Variants in OR6K3 observed in about 807,000 individuals in gnomAD.
The protein encoded by OR6K3 is olfactory receptor family 6 subfamily K member 3.
For missense variants in OR6K3, 396 were observed against 382.5 expected, an observed-to-expected ratio of 1.04 and a Z score of -0.29; for synonymous variants, 169 against 137.7, an observed-to-expected ratio of 1.23 and a Z score of -1.59.
upstream of OR6K3, chr1:158,720,741 C>A (rs1656265694): frequency 6.6e-6 from 1 of 151,978 alleles, no homozygotes; most frequent in African/African-American, 2.4e-5. Flanking sequence ...CTTAATATTA[C>A]TTCAGCCTTT....
upstream of OR6K3, among the ~76,000 whole-genome samples, chr1:158,723,108 A>G (rs1193723917): frequency 3.3e-5 from 5 of 152,032 alleles, no homozygotes; most frequent in African/African-American, 1.2e-4. Context: ...TAATACACAA[A>G]TCTAAACTTG....
intron 1 of OR6K3, 55 bp from the exon 2 acceptor site, chr1:158,718,187 T>A (rs1242017414): frequency 4.5e-6 from 4 of 894,060 alleles, no homozygotes; most frequent in Non-Finnish European, 7.0e-6. Context: ...AAAAAATAAA[T>A]AAGATGTACA....
At chr1:158,722,329 T>C (rs143185476), upstream of OR6K3, among the ~76,000 whole-genome samples, 16 of 152,120 alleles carry the variant, frequency 1.1e-4, no homozygotes, top group African/African-American at 3.6e-4. Flanking sequence ...ATTATTGCTT[T>C]GTGCTAAAAA....
chr1:158,723,740 C>T (rs1656329181), upstream of OR6K3, among the ~76,000 whole-genome samples: 1 of 152,048 alleles, frequency 6.6e-6, no homozygotes, highest in Non-Finnish European at 1.5e-5. Flanking sequence ...ACCTTAACCT[C>T]TTCTGCAGAT....
rs142212154 is a variant in OR6K3 at position 158,718,129 on chromosome 1, C to T, written c.-14G>A. 6.5e-7 allele frequency: 1 copy of T among 1,541,720 alleles called. No individual in the cohort carries two copies. Among genetic ancestry groups the T allele is most frequent in the Non-Finnish European group, 8.9e-7 (1 of 1,121,296 alleles). The stretch of plus-strand genomic sequence containing the variant: ...TCCGCTCTCCATATTTCTAGTAGAG[C>T]TACCTGTAAATGGAGAGGGCATAGT... On this transcript the variant is annotated 5_prime_UTR_variant, in exon 2 of 2. Transcript: ENST00000368145.
At position 158,717,202 on chromosome 1, in the gene OR6K3, C is replaced by T; in HGVS notation, c.914G>A (p.Cys305Tyr). The T allele has an allele frequency of 6.2e-7, 1 of 1,612,618 alleles. No homozygotes were observed. The highest frequency in any genetic ancestry group is 1.7e-4 in the Middle Eastern group (1 of 6,046). ...AGGCTTGTTCAACACTTTTTGAAGA[C>T]AGAACAGTTTTTTAATCGCATTGTT... The part of the protein sequence containing the change: ...DMNNAIKKLF[C>Y]LQKVLNKPGG The change falls in exon 2 of 2, where the codon TGT (cysteine) becomes TAT (tyrosine). Residue 305 changes from cysteine (C) to tyrosine (Y), a missense_variant. Physicochemically the swap from Cys to Tyr is radical, Grantham distance 194 (BLOSUM62 -2). Transcript: ENST00000368145.
chr1:158,722,469 G>C (rs1414684497), upstream of OR6K3, among the ~76,000 whole-genome samples: 1 of 151,956 alleles, frequency 6.6e-6, no homozygotes, highest in Non-Finnish European at 1.5e-5. Flanking sequence ...ACTCCATTGT[G>C]ACTGGGAAAT....
chr1:158,723,497 T>C (rs890617653), upstream of OR6K3, among the ~76,000 whole-genome samples: 3 of 152,040 alleles, frequency 2.0e-5, no homozygotes, highest in East Asian at 5.8e-4. Context: ...CAAAAGATAG[T>C]AATTAGTTGC....
chr1:158,718,766 T>C (rs1193846778), intron 1 of OR6K3, among the ~76,000 whole-genome samples: 1 of 152,050 alleles, frequency 6.6e-6, no homozygotes, highest in African/African-American at 2.4e-5. Context: ...TATTGTTACC[T>C]ATATGTCTTT....
Position 158,717,216 on chromosome 1 carries a change from A to T in OR6K3, c.900T>A (p.Ile300=). ...CTTTTTGAAGACAGAACAGTTTTTT[A>T]ATCGCATTGTTCATGTCCTTGTTTC... The part of the protein sequence containing the change: ...SLRNKDMNNA[I]KKLFCLQKVL... Residue 300 remains isoleucine (I), a synonymous_variant, in exon 2 of 2, where the codon ATT becomes ATA. Transcript: ENST00000368145. 6.2e-7 allele frequency: 1 copy of T among 1,613,366 alleles called. No homozygotes were observed. Among genetic ancestry groups the T allele is most frequent in the Non-Finnish European group, 8.5e-7 (1 of 1,179,568 alleles).
chr1:158,717,484 A>T lies in OR6K3; in HGVS notation c.632T>A (p.Leu211Gln). 1 of 1,613,776 alleles carries T rather than the reference A, an allele frequency of 6.2e-7. No individual in the cohort carries two copies. The highest frequency in any genetic ancestry group is 8.5e-7 in the Non-Finnish European group (1 of 1,179,772). ...TCTTACATAGGACAGGGCAATGATT[A>T]GGAAGGTAATGATGATGGTCACAGC... ...IHAVTIIITFLIIALSYVRIV... is the reference protein window; with the variant it reads ...IHAVTIIITFQIIALSYVRIV... Residue 211 changes from leucine to glutamine, a missense_variant, in exon 2 of 2, where the codon CTA becomes CAA. Transcript: ENST00000368145.
In OR6K3 at chr1:158,717,468, G is replaced by A. The variant is rs1558014467; in HGVS notation, c.648C>T (p.Ser216=). Residue 216 remains serine (S), a synonymous_variant, in exon 2 of 2, where the codon TCC becomes TCT. Coordinates refer to ENST00000368145, the MANE Select transcript of OR6K3 (RefSeq NM_001005327.3). ...ATATCACAGTGACAATTCTTACATA[G>A]GACAGGGCAATGATTAGGAAGGTAA... ...IIITFLIIAL[S]YVRIVTVILR... is the part of the protein sequence containing the mutation. 2 of 1,613,714 alleles carry A rather than the reference G, an allele frequency of 1.2e-6. No individual in the cohort carries two copies. The highest frequency in any genetic ancestry group is 1.7e-6 in the Non-Finnish European group (2 of 1,179,776).
At chr1:158,718,966 A>T (rs1249270962) in intron 1 of OR6K3, among the ~76,000 whole-genome samples, 1 of 152,038 alleles carries the variant, frequency 6.6e-6, no homozygotes, top group African/African-American at 2.4e-5. Context: ...CTCCTTTAAC[A>T]CTGCTGTGTG....
Position 158,717,758 on chromosome 1 carries a change from T to C in OR6K3, c.358A>G (p.Ile120Val), listed in dbSNP as rs771415809. ...SEGILLTTMA[I>V]DRYVAICNPL... ...TTGCAGATGGCAACGTATCTGTCAA[T>C]GGCCATGGTGGTCAGCAAGATCCCC... Residue 120 changes from isoleucine (I) to valine (V), a missense_variant, in exon 2 of 2, where the codon ATT becomes GTT. By Grantham distance (29) the Ile-to-Val change is conservative. Coordinates refer to ENST00000368145, the MANE Select transcript of OR6K3 (RefSeq NM_001005327.3). The C allele has an allele frequency of 1.2e-5, 19 of 1,613,732 alleles. No homozygotes were observed. The Admixed American group carries it at 3.0e-4, about 25-fold the overall frequency.
upstream of OR6K3, among the ~76,000 whole-genome samples, chr1:158,722,254 T>C (rs1656295992): frequency 6.6e-6 from 1 of 152,004 alleles, no homozygotes; most frequent in South Asian, 2.1e-4. Context: ...AATAAGAATA[T>C]TAAATATCTA....
rs770143572 is a variant in OR6K3 at position 158,717,688 on chromosome 1, T to A, written c.428A>T (p.Gln143Leu). ...QMIMTPRLCA[Q>L]LSAGSCLFGF... ...GAAGAGGCAGGAACCTGCAGAGAGT[T>A]GAGCACAGAGCCGGGGGGTCATGAT... Residue 143 changes from glutamine to leucine, a missense_variant, in exon 2 of 2, where the codon CAA becomes CTA. Gln to Leu is a moderately radical substitution (Grantham distance 113, BLOSUM62 -2). Coordinates refer to ENST00000368145, the MANE Select transcript of OR6K3 (RefSeq NM_001005327.3). The A allele has an allele frequency of 1.2e-6, 2 of 1,613,644 alleles. No homozygotes were observed. Among genetic ancestry groups the A allele is most frequent in the Non-Finnish European group, 1.7e-6 (2 of 1,179,856 alleles).
chr1:158,721,480 C>T (rs112656098), upstream of OR6K3, among the ~76,000 whole-genome samples: 441 of 151,970 alleles, frequency 2.9e-3, 2 homozygotes, highest in African/African-American at 9.9e-3. Context: ...GGAAGACGTG[C>T]TTTCTGAGTT....
upstream of OR6K3, among the ~76,000 whole-genome samples, chr1:158,723,796 A>G (rs1656329864): frequency 6.6e-6 from 1 of 152,094 alleles, no homozygotes; most frequent in Non-Finnish European, 1.5e-5. Flanking sequence ...GTTGTTATTA[A>G]TGCTTATGTA....
upstream of OR6K3, among the ~76,000 whole-genome samples, chr1:158,721,529 T>C (rs1405179101): frequency 1.3e-5 from 2 of 151,944 alleles, no homozygotes; most frequent in East Asian, 3.9e-4. Flanking sequence ...GAGCCTATTT[T>C]GGTTGTCTAA....
Sources: gnomAD v4.1 joint callset for allele counts (sites outside exome capture counted in the v4.1 genomes callset) on GRCh38, gnomAD v4.1.1 for gene constraint, MANE v1.5 for transcripts, NCBI Gene and HGNC (gene_info 2026-07-23, HGNC 2026-07-21) for gene names.